The following CCDC38 variants were observed in gnomAD, a reference collection of about 807,000 sequenced individuals.
CCDC38 encodes the protein coiled-coil domain-containing protein 38.
CCDC38 carries 69 observed loss-of-function variants against 72.8 expected under a neutral mutation model. The observed-to-expected ratio is 0.95, with a 90% CI of 0.78 to 1.16. The LOEUF is 1.16. Ranked by LOEUF, CCDC38 falls within the 50% of genes most tolerant of loss-of-function variation. The probability of loss-of-function intolerance (pLI) is 0.00; values close to 1 mark genes in which losing one functional copy is unlikely to be tolerated. For missense variants in CCDC38, 626 were observed against 638.9 expected, an observed-to-expected ratio of 0.98 and a Z score of 0.22; for synonymous variants, 201 against 213.2, an observed-to-expected ratio of 0.94 and a Z score of 0.50.
Position 95,898,605 on chromosome 12 carries a change from GA to G in CCDC38, c.495del (p.Arg166GlufsTer8). On this transcript the variant is annotated frameshift_variant, in exon 6 of 16. Transcript: ENST00000344280. LOFTEE classifies it high-confidence loss of function. ...TCTACAGATCTCTGGTCATTTTCTC[GA>G]AGGAACTCTTCAAAGGCCAGTGCAT... ...QDDALAFEEF[L>X]RENDQRSVDA... 2 of 1,614,138 alleles carry G rather than the reference GA, an allele frequency of 1.2e-6. No individual in the cohort carries two copies. The highest frequency in any genetic ancestry group is 1.7e-6 in the Non-Finnish European group (2 of 1,180,020).
intron 7 of CCDC38, 48 bp from the exon 8 acceptor site, chr12:95,895,194 A>G: frequency 7.1e-7 from 1 of 1,398,816 alleles, no homozygotes; most frequent in Non-Finnish European, 9.5e-7. Flanking sequence ...GTGTGAAAGC[A>G]CATTCATTAG....
At chr12:95,930,482 T>G (rs2080326347) in intron 2 of CCDC38, among the ~76,000 whole-genome samples, 2 of 152,218 alleles carry the variant, frequency 1.3e-5, no homozygotes, top group South Asian at 4.1e-4. Context: ...ATTCTTCACA[T>G]GACCTTCCCC....
intron 13 of CCDC38, among the ~76,000 whole-genome samples, chr12:95,876,647 A>G (rs1235267851): frequency 1.3e-5 from 2 of 152,192 alleles, no homozygotes; most frequent in Admixed American, 1.3e-4. Context: ...CCGGCAATGC[A>G]CAACCCCATC....
At chr12:95,893,403 TTCCTTCCCTCCCTCCCTCCC>T (rs1413142213) in intron 8 of CCDC38, among the ~76,000 whole-genome samples, 1 of 108,396 alleles carries the variant, frequency 9.2e-6, no homozygotes, top group Admixed American at 1.2e-4. Flanking sequence ...TTAACTTATC[TTCCTTCCCTCCCTCCCTCCC>T]TCCCTCCCTC....
At position 95,936,513 on chromosome 12, in the gene CCDC38, C is replaced by T. The variant is rs748099763; in HGVS notation, c.-4G>A. 2 of 1,608,696 alleles carry T rather than the reference C, an allele frequency of 1.2e-6. No homozygotes were observed. Among genetic ancestry groups the T allele is most frequent in the Non-Finnish European group, 1.7e-6 (2 of 1,179,160 alleles). On this transcript the variant is annotated 5_prime_UTR_variant, in exon 2 of 16. Transcript: ENST00000344280. ...TTGGCAATAAATTTGAGGACATTTTCTTGCCTGGCCCTGTTGAAAGAAAAA... is the reference window on the plus strand; with the variant it reads ...TTGGCAATAAATTTGAGGACATTTTTTTGCCTGGCCCTGTTGAAAGAAAAA...
chr12:95,930,659 G>C (rs1261255759), intron 2 of CCDC38, among the ~76,000 whole-genome samples: 1 of 151,964 alleles, frequency 6.6e-6, no homozygotes, highest in Non-Finnish European at 1.5e-5. Context: ...TCAGGTTCTT[G>C]GTGGAAATAT....
chr12:95,913,880 C>T (rs74689681), intron 4 of CCDC38, among the ~76,000 whole-genome samples: 17 of 151,886 alleles, frequency 1.1e-4, no homozygotes, highest in Non-Finnish European at 2.1e-4. Context: ...CTGCACCCAC[C>T]GAGAACTTCG....
chr12:95,915,125 G>A (rs143997567), intron 4 of CCDC38, among the ~76,000 whole-genome samples: 16 of 152,234 alleles, frequency 1.1e-4, no homozygotes, highest in African/African-American at 3.1e-4. Context: ...ACTTTGACAT[G>A]GTACTCTCTG....
intron 11 of CCDC38, chr12:95,880,141 C>G (rs955767920): frequency 5.8e-6 from 1 of 172,802 alleles, no homozygotes; most frequent in African/African-American, 2.4e-5. Context: ...GAGTGAAAGT[C>G]ATTTTCTCCC....
intron 13 of CCDC38, among the ~76,000 whole-genome samples, chr12:95,873,318 G>A (rs2079601720): frequency 6.6e-6 from 1 of 152,132 alleles, no homozygotes. Context: ...CTGAATAAAT[G>A]TTTGCTGAAT....
At chr12:95,930,130 A>AT (rs2080321822) in intron 2 of CCDC38, among the ~76,000 whole-genome samples, 1 of 152,154 alleles carries the variant, frequency 6.6e-6, no homozygotes, top group East Asian at 1.9e-4. Context: ...AAGGCCAACC[A>AT]TTTGTGGAGG....
intron 5 of CCDC38, chr12:95,903,528 T>C (rs892280107): frequency 1.0e-5 from 7 of 694,228 alleles, no homozygotes; most frequent in Non-Finnish European, 1.8e-5. Context: ...GATAAGTTTC[T>C]AGTAGATGTC....
intron 10 of CCDC38, among the ~76,000 whole-genome samples, chr12:95,882,887 T>A (rs2079716688): frequency 1.3e-5 from 2 of 152,330 alleles, no homozygotes; most frequent in South Asian, 4.1e-4. Context: ...CACAGGGAGC[T>A]AAAATGAACA....
intron 1 of CCDC38, among the ~76,000 whole-genome samples, chr12:95,938,403 TTCTA>T (rs2080415901): frequency 6.6e-6 from 1 of 152,208 alleles, no homozygotes; most frequent in African/African-American, 2.4e-5. Context: ...CCTTTGGTCC[TTCTA>T]TCTATCTAAA....
chr12:95,900,454 C>T (rs2079938581), intron 5 of CCDC38, among the ~76,000 whole-genome samples: 1 of 152,264 alleles, frequency 6.6e-6, no homozygotes, highest in African/African-American at 2.4e-5. Flanking sequence ...GACATAATGA[C>T]AGATTTGGAA....
At chr12:95,912,461 G>C (rs746027864) in intron 4 of CCDC38, among the ~76,000 whole-genome samples, 1 of 152,164 alleles carries the variant, frequency 6.6e-6, no homozygotes, top group Non-Finnish European at 1.5e-5. Context: ...AAGCAGGGAA[G>C]GATGGGGGTG....
chr12:95,914,460 C>T (rs2080124653), intron 4 of CCDC38, among the ~76,000 whole-genome samples: 1 of 152,222 alleles, frequency 6.6e-6, no homozygotes, highest in Admixed American at 6.5e-5. Flanking sequence ...AATCTTGTCT[C>T]ATTTATTGCC....
At chr12:95,935,686 T>G (rs1461287249) in intron 2 of CCDC38, among the ~76,000 whole-genome samples, 1 of 152,202 alleles carries the variant, frequency 6.6e-6, no homozygotes, top group African/African-American at 2.4e-5. Context: ...TATTACAAAC[T>G]CTTAGTGTTA....
chr12:95,906,553 G>A, intron 4 of CCDC38, 102 bp from the exon 5 acceptor site: 1 of 756,666 alleles, frequency 1.3e-6, no homozygotes, highest in Non-Finnish European at 2.1e-6. Context: ...GTATGTATCT[G>A]ATCTTTTAAA....
Sources: gnomAD v4.1 joint callset for allele counts (sites outside exome capture counted in the v4.1 genomes callset) on GRCh38, gnomAD v4.1.1 for gene constraint, MANE v1.5 for transcripts, NCBI Gene and HGNC (gene_info 2026-07-23, HGNC 2026-07-21) for gene names.